The following PRKG1 variants were observed in gnomAD, a reference collection of about 807,000 sequenced individuals.
PRKG1 encodes the protein protein kinase cGMP-dependent 1.
Under a neutral mutation model 88.1 loss-of-function variants are expected in PRKG1, and 35 were observed. That is an observed-to-expected ratio of 0.40 (90% CI 0.30 to 0.53). The LOEUF (loss-of-function observed/expected upper bound fraction) is 0.53. PRKG1 is among the 20% of genes least tolerant of loss of function. PRKG1 has a pLI of 0.59. For synonymous variants in PRKG1, 303 were observed against 292.5 expected, an observed-to-expected ratio of 1.04 and a Z score of -0.37; for missense variants, 540 against 839.8, an observed-to-expected ratio of 0.64 and a Z score of 4.41.
At chr10:51,418,919 T>C (rs1227999094) in intron 2 of PRKG1, among the ~76,000 whole-genome samples, 1 of 152,192 alleles carries the variant, frequency 6.6e-6, no homozygotes, top group East Asian at 1.9e-4. Context: ...TTGTTTAGGA[T>C]TGCAGATACA....
At chr10:51,771,198 A>C (rs1454593798) in intron 3 of PRKG1, among the ~76,000 whole-genome samples, 1 of 152,234 alleles carries the variant, frequency 6.6e-6, no homozygotes, top group Non-Finnish European at 1.5e-5. Context: ...CAATGTATCT[A>C]AAGCTAGAAA....
At chr10:51,236,543 C>G (rs1432458352) in intron 2 of PRKG1, among the ~76,000 whole-genome samples, 2 of 151,512 alleles carry the variant, frequency 1.3e-5, no homozygotes, top group African/African-American at 4.9e-5. Context: ...TGCTCTGTCG[C>G]CCAGGCTGGA....
intron 7 of PRKG1, among the ~76,000 whole-genome samples, chr10:52,106,938 C>T (rs1053531405): frequency 1.3e-5 from 2 of 152,028 alleles, no homozygotes; most frequent in African/African-American, 2.4e-5. Flanking sequence ...TGGTTAGTAA[C>T]AAAATACTTG....
intron 8 of PRKG1, among the ~76,000 whole-genome samples, chr10:52,160,313 A>T (rs1442624863): frequency 1.3e-5 from 2 of 152,020 alleles, no homozygotes; most frequent in Non-Finnish European, 2.9e-5. Flanking sequence ...TATATTTATT[A>T]TCACTGGTAA....
intron 1 of PRKG1, among the ~76,000 whole-genome samples, chr10:51,008,399 A>G (rs1014800301): frequency 2.6e-5 from 4 of 152,210 alleles, no homozygotes; most frequent in African/African-American, 4.8e-5. Context: ...ATTTACTCCC[A>G]GCTCTGTAGA....
At chr10:51,686,744 GTTTGTTTGTTTGTTTGTTTT>G (rs1841003455) in intron 3 of PRKG1, among the ~76,000 whole-genome samples, 2 of 150,014 alleles carry the variant, frequency 1.3e-5, no homozygotes, top group Non-Finnish European at 2.9e-5. Flanking sequence ...AACCTTTTTT[GTTTGTTTGTTTGTTTGTTTT>G]TTCTTTTTAG....
chr10:51,965,601 A>G (rs1843547984), intron 5 of PRKG1, among the ~76,000 whole-genome samples: 1 of 152,222 alleles, frequency 6.6e-6, no homozygotes, highest in Non-Finnish European at 1.5e-5. Context: ...TTTCAAAAGA[A>G]TCATATAGCA....
At chr10:51,605,676 C>T (rs756200773) in intron 3 of PRKG1, among the ~76,000 whole-genome samples, 3 of 152,168 alleles carry the variant, frequency 2.0e-5, no homozygotes, top group Non-Finnish European at 2.9e-5. Flanking sequence ...ACAATAGAGC[C>T]GGCCTTTGGT....
intron 4 of PRKG1, among the ~76,000 whole-genome samples, chr10:51,858,937 T>C (rs1840792705): frequency 6.6e-6 from 1 of 152,154 alleles, no homozygotes; most frequent in South Asian, 2.1e-4. Context: ...AATATTCCTT[T>C]GATTTTTCTC....
chr10:51,238,009 T>A (rs982290418), intron 2 of PRKG1, among the ~76,000 whole-genome samples: 1 of 152,206 alleles, frequency 6.6e-6, no homozygotes, highest in Non-Finnish European at 1.5e-5. Flanking sequence ...AAGATTGTCA[T>A]TGAAACTGTT....
chr10:51,824,750 T>C (rs1589323882), intron 4 of PRKG1, among the ~76,000 whole-genome samples: 1 of 151,358 alleles, frequency 6.6e-6, no homozygotes, highest in African/African-American at 2.4e-5. Context: ...GAGGAGGAGG[T>C]GCCAGGCTCC....
chr10:51,127,328 C>CA (rs1845453855), intron 1 of PRKG1, among the ~76,000 whole-genome samples: 2 of 152,124 alleles, frequency 1.3e-5, no homozygotes, highest in South Asian at 4.1e-4. Context: ...CAAAAGAAGA[C>CA]ATATTTGTTG....
chr10:51,600,845 C>A (rs191362215), intron 3 of PRKG1, among the ~76,000 whole-genome samples: 92 of 151,906 alleles, frequency 6.1e-4, no homozygotes, highest in African/African-American at 2.2e-3. Context: ...TTATTGTTCA[C>A]TTACTAGTTT....
intron 3 of PRKG1, among the ~76,000 whole-genome samples, chr10:51,783,059 C>G (rs1055265268): frequency 6.6e-6 from 1 of 151,936 alleles, no homozygotes; most frequent in Non-Finnish European, 1.5e-5. Context: ...ATCGAAAACT[C>G]TTAGTATTAA....
chr10:51,944,470 T>G (rs982776044), intron 5 of PRKG1, among the ~76,000 whole-genome samples: 3 of 152,032 alleles, frequency 2.0e-5, no homozygotes, highest in African/African-American at 7.3e-5. Flanking sequence ...TCTGCTCTGA[T>G]TTTAGTTATT....
intron 2 of PRKG1, among the ~76,000 whole-genome samples, chr10:51,454,132 G>A (rs1839514718): frequency 6.6e-6 from 1 of 151,996 alleles, no homozygotes; most frequent in African/African-American, 2.4e-5. Flanking sequence ...CATGCTCATC[G>A]ATGGGTAGAC....
intron 3 of PRKG1, among the ~76,000 whole-genome samples, chr10:51,725,082 A>G (rs752993304): frequency 5.3e-5 from 8 of 152,230 alleles, no homozygotes; most frequent in Non-Finnish European, 1.0e-4. Flanking sequence ...GTGGACTTGC[A>G]GAAGAAAATG....
At chr10:51,849,779 T>C (rs2132801411) in intron 4 of PRKG1, among the ~76,000 whole-genome samples, 1 of 152,308 alleles carries the variant, frequency 6.6e-6, no homozygotes, top group East Asian at 1.9e-4. Context: ...TATATACAAA[T>C]ATTCCTTTAG....
At chr10:52,205,106 T>C (rs1418551800) in intron 9 of PRKG1, among the ~76,000 whole-genome samples, 1 of 152,110 alleles carries the variant, frequency 6.6e-6, no homozygotes, top group Non-Finnish European at 1.5e-5. Context: ...TTGCTAGGAT[T>C]AGGAAATTCC....
Sources: allele counts gnomAD v4.1 joint callset (sites outside exome capture counted in the v4.1 genomes callset), GRCh38; gene constraint gnomAD v4.1.1; transcripts MANE v1.5; gene names NCBI Gene and HGNC (gene_info 2026-07-23, HGNC 2026-07-21).